The following PEG3 variants were observed in gnomAD, a reference collection of about 807,000 sequenced individuals.
The protein encoded by PEG3 is paternally-expressed gene 3 protein.
Under a neutral mutation model 35.5 loss-of-function variants are expected in PEG3, and 23 were observed. The observed-to-expected ratio is 0.65, with a 90% CI of 0.47 to 0.92. The LOEUF is 0.92. PEG3 is among the 40% of genes least tolerant of loss of function. PEG3 has a pLI of 0.00. For missense variants in PEG3, 1,960 were observed against 1,985.3 expected (o/e 0.99, Z 0.24); for synonymous variants, 707 against 697.0 (o/e 1.01, Z -0.23).
In PEG3 at chr19:56,820,791, C is replaced by T. The variant is rs182685667; in HGVS notation, c.669+860G>A. Among the ~76,000 whole-genome samples the T allele has an allele frequency of 2.3e-3, 355 of 152,372 alleles. 2 individuals carry two copies. The highest frequency in any genetic ancestry group is 7.5e-3 in the African/African-American group (313 of 41,594). On this transcript the variant is annotated intron_variant, in intron 7 of 9. Transcript: ENST00000326441. Reference sequence around the variant, plus strand: ...ATTTGTGCAACTGTCAAAAGCTTCTCAGGGCAGGGCCCCTCTCTGTGTTGC... The same window carrying T: ...ATTTGTGCAACTGTCAAAAGCTTCTTAGGGCAGGGCCCCTCTCTGTGTTGC...
chr19:56,815,038 A>C lies in PEG3; in HGVS notation c.3404T>G (p.Val1135Gly), dbSNP rs755834818. ...HQKVHSRKCLVDSREYTHSVI... is the reference protein window; with the variant it reads ...HQKVHSRKCLGDSREYTHSVI... ...AGAATGTGTGTACTCCCGACTGTCA[A>C]CCAGGCACTTCCTGCTGTGGACTTT... The change falls in exon 10 of 10, where the codon GTT becomes GGT. Residue 1135 changes from valine (V) to glycine (G), a missense_variant. Transcript: ENST00000326441. 6.2e-7 allele frequency: 1 copy of C among 1,614,188 alleles called. No individual in the cohort carries two copies.
In PEG3 at chr19:56,815,522, A is replaced by G. The variant is rs1460742215; in HGVS notation, c.2920T>C (p.Cys974Arg). ...GAGCTATGAGCAAAGCACTCCCCACACTCCTGACATTCATAGAGCATCCCT... is the reference window on the plus strand; with the variant it reads ...GAGCTATGAGCAAAGCACTCCCCACGCTCCTGACATTCATAGAGCATCCCT... Reference protein sequence around the residue: ...PRGMLYECQECGECFAHSSDL... With the variant: ...PRGMLYECQERGECFAHSSDL... The change falls in exon 10 of 10, where the codon TGT becomes CGT. Residue 974 changes from cysteine to arginine, a missense_variant. Transcript: ENST00000326441. 3.1e-6 allele frequency: 5 copies of G among 1,613,688 alleles called. No individual in the cohort carries two copies. Among genetic ancestry groups the G allele is most frequent in the Non-Finnish European group, 3.4e-6 (4 of 1,179,942 alleles).
intron 2 of PEG3, among the ~76,000 whole-genome samples, chr19:56,829,670 G>A (rs1430935916): frequency 1.3e-5 from 2 of 152,202 alleles, no homozygotes; most frequent in African/African-American, 4.8e-5. Context: ...CTTCCTGGCC[G>A]AGTGGCCCAA....
At position 56,821,525 on chromosome 19, in the gene PEG3, G is replaced by A. The variant is rs1002286660; in HGVS notation, c.669+126C>T. On this transcript the variant is annotated intron_variant, in intron 7 of 9. Transcript: ENST00000326441. ...AAGGGATGGGCCCGGGCTCCTCCTG[G>A]AGCGCTGGGACTCTCACCCCAGCTG... 5 of 1,159,592 alleles carry A rather than the reference G, an allele frequency of 4.3e-6. No homozygotes were observed. In the East Asian group the frequency reaches 1.2e-4, roughly 27 times the overall value. 71.8% of individuals were successfully genotyped at this position (1,159,592 alleles called of 1,614,324 possible). A position where few individuals can be genotyped will look rare whatever the true frequency, so the allele number is the denominator to read the frequency against.
intron 8 of PEG3, 81 bp downstream of exon 8, chr19:56,818,519 A>C: frequency 6.8e-7 from 1 of 1,468,720 alleles, no homozygotes; most frequent in Non-Finnish European, 9.5e-7. Flanking sequence ...TGTGGACTCT[A>C]ACATCCAGCT....
Position 56,811,879 on chromosome 19 carries a change from T to C in PEG3, c.*1796A>G. ...TGCCTCTGGTGTTTTCTTCTGTCTGTCTCCTCTCCCCTCCTAGATCTGGTG... is the reference window on the plus strand; with the variant it reads ...TGCCTCTGGTGTTTTCTTCTGTCTGCCTCCTCTCCCCTCCTAGATCTGGTG... On this transcript the variant is annotated 3_prime_UTR_variant, in exon 10 of 10. Coordinates refer to ENST00000326441, the MANE Select transcript of PEG3 (RefSeq NM_006210.3). 1.0e-6 allele frequency: 1 copy of C among 985,374 alleles called. No homozygotes were observed. Among genetic ancestry groups the C allele is most frequent in the African/African-American group, 1.7e-5 (1 of 57,330 alleles). 61.0% of individuals were successfully genotyped at this position (985,374 alleles called of 1,614,324 possible). A position where few individuals can be genotyped will look rare whatever the true frequency, so the allele number is the denominator to read the frequency against.
rs142165445 is a variant in PEG3, at chr19:56,814,485, T to C, written c.3957A>G (p.Ser1319=). ...YEYGSSYTHT[S]FLTEPLKGAI... is the part of the protein sequence containing the mutation. ...CTCCTTTGAGGGGCTCAGTAAGAAA[T>C]GAGGTGTGAGTATAGGAGGACCCGT... The change falls in exon 10 of 10, where the codon TCA becomes TCG. Residue 1319 remains serine, a synonymous_variant. Transcript: ENST00000326441. The surrounding 1 kb of genome is among the most constrained non-coding windows in gnomAD (Gnocchi z 5.8). 2.2e-5 allele frequency: 35 copies of C among 1,613,268 alleles called. No individual in the cohort carries two copies. In the African/African-American group the frequency reaches 4.4e-4, roughly 20 times the overall value.
intron 1 of PEG3, among the ~76,000 whole-genome samples, chr19:56,837,508 T>A (rs1040120490): frequency 6.6e-6 from 1 of 152,240 alleles, no homozygotes; most frequent in Non-Finnish European, 1.5e-5. Context: ...TCCACTTTTC[T>A]GCTCACTGAC....
At chr19:56,833,099 T>A (rs957784824) in intron 2 of PEG3, 1 of 503,530 alleles carries the variant, frequency 2.0e-6, no homozygotes, top group African/African-American at 1.9e-5. Context: ...AAAGAACACA[T>A]CATGCACTAG....
rs145176547 is a variant in PEG3, at chr19:56,818,747, G to A, written c.670-45C>T. The A allele has an allele frequency of 2.7e-4, 436 of 1,592,452 alleles. 2 individuals are homozygous for A. In the Middle Eastern group the frequency reaches 5.0e-3, roughly 18 times the overall value. ...CCTCTCAATGGAGTCTGTCCCCACC[G>A]ATGTTCAAAGACAGAATAATGTTGG... On this transcript the variant is annotated intron_variant, in intron 7 of 9. Transcript: ENST00000326441.
rs2059541801 is a variant in PEG3 at position 56,811,550 on chromosome 19, T to A, written c.*2125A>T. The A allele has an allele frequency of 1.0e-6, 1 of 985,198 alleles. No individual in the cohort carries two copies. The highest frequency in any genetic ancestry group is 6.2e-5 in the Admixed American group (1 of 16,256). The allele number at this position is 985,198 out of a possible 1,614,324, so 61.0% of individuals were successfully genotyped here. A position where few individuals can be genotyped will look rare whatever the true frequency, so the allele number is the denominator to read the frequency against. Reference sequence around the variant, plus strand: ...TACTACCTTTTCACTAGCTGAAGGTTGGAACGGACACCCTGACTTACAGCA... The same window carrying A: ...TACTACCTTTTCACTAGCTGAAGGTAGGAACGGACACCCTGACTTACAGCA... On this transcript the variant is annotated 3_prime_UTR_variant, in exon 10 of 10. Coordinates refer to ENST00000326441, the MANE Select transcript of PEG3 (RefSeq NM_006210.3).
rs780846721 is a variant in PEG3, at chr19:56,817,321, C to G, written c.1121G>C (p.Gly374Ala). 6.2e-7 allele frequency: 1 copy of G among 1,614,112 alleles called. No individual in the cohort carries two copies. Among genetic ancestry groups the G allele is most frequent in the Non-Finnish European group, 8.5e-7 (1 of 1,179,992 alleles). ...AACAAGGGTTGAATTAAACCTAAAG[C>G]CTCCCCTAAATGCATTCCCTTCATA... is the stretch of plus-strand genomic sequence containing the variant. ...RVYEGNAFRG[G>A]FRFNSTLVSR... The change falls in exon 10 of 10, where the codon GGC becomes GCC. Residue 374 changes from glycine (G) to alanine (A), a missense_variant. Around this residue, in one of 5 missense-constraint regions of PEG3, gnomAD observed 613 missense variants for 577.1 expected, o/e 1.06. Coordinates refer to ENST00000326441, the MANE Select transcript of PEG3 (RefSeq NM_006210.3).
intron 1 of PEG3, among the ~76,000 whole-genome samples, chr19:56,839,713 A>G (rs562228440): frequency 7.2e-5 from 11 of 152,142 alleles, no homozygotes; most frequent in Non-Finnish European, 1.5e-4. Flanking sequence ...ATTACATCCA[A>G]TGCAACCCAC....
Position 56,816,037 on chromosome 19 carries a change from A to G in PEG3, c.2405T>C (p.Met802Thr), listed in dbSNP as rs1208600581. Residue 802 changes from methionine (M) to threonine (T), a missense_variant, in exon 10 of 10, where the codon ATG becomes ACG. Met to Thr is a moderately conservative substitution (Grantham distance 81). Around this residue, in one of 5 missense-constraint regions of PEG3, gnomAD observed 798 missense variants for 782.4 expected, o/e 1.02. Transcript: ENST00000326441. Reference protein sequence around the residue: ...SVAGPSKPKVMAESTIQSFDA... With the variant: ...SVAGPSKPKVTAESTIQSFDA... ...GAAGCTCTGAATGGTAGACTCTGCC[A>G]TTACTTTTGGTTTACTGGGCCCTGC... 1.3e-6 allele frequency: 2 copies of G among 1,596,434 alleles called. No individual in the cohort carries two copies. The highest frequency in any genetic ancestry group is 1.7e-6 in the Non-Finnish European group (2 of 1,171,858).
rs140555816 is a variant in PEG3 at position 56,816,556 on chromosome 19, C to T, written c.1886G>A (p.Cys629Tyr). ...AAGGAAAGTCTCCCCACACACCTTA[C>T]ATTCGTACATTTTCTCTTTACCATA... is the stretch of plus-strand genomic sequence containing the variant. The part of the protein sequence containing the change: ...KMYGKEKMYE[C>Y]KVCGETFLHS... Residue 629 changes from cysteine (C) to tyrosine (Y), a missense_variant, in exon 10 of 10, where the codon TGT (cysteine) becomes TAT (tyrosine). Cys to Tyr is a radical substitution (Grantham distance 194). Transcript: ENST00000326441. 428 of 1,614,100 alleles carry T rather than the reference C, an allele frequency of 2.7e-4. No individual in the cohort carries two copies. Among genetic ancestry groups the T allele is most frequent in the Non-Finnish European group, 3.4e-4 (400 of 1,179,974 alleles).
In PEG3 at chr19:56,810,777, CAG is replaced by C. The variant is rs2048091207; in HGVS notation, c.*2896_*2897del. On this transcript the variant is annotated 3_prime_UTR_variant, in exon 10 of 10. Transcript: ENST00000326441. ...GTGCACTGAAACAAGATAGAGGAAA[CAG>C]ATCAAGATGTTAGCAGTAGTTGTTA... 1 of 979,944 alleles carries C rather than the reference CAG, an allele frequency of 1.0e-6. No homozygotes were observed. The highest frequency in any genetic ancestry group is 6.2e-5 in the Admixed American group (1 of 16,248). 60.7% of individuals were successfully genotyped at this position (979,944 alleles called of 1,614,324 possible).
At chr19:56,837,201 T>C (rs1298861551) in intron 1 of PEG3, among the ~76,000 whole-genome samples, 3 of 152,016 alleles carry the variant, frequency 2.0e-5, no homozygotes, top group African/African-American at 7.3e-5. Flanking sequence ...CTAGCGGCTC[T>C]GCTCATGAAC....
rs781298122 is a variant in PEG3, at chr19:56,814,061, G to A, written c.4381C>T (p.Pro1461Ser). The change falls in exon 10 of 10, where the codon CCA (proline) becomes TCA (serine). Residue 1461 changes from proline to serine, a missense_variant. By Grantham distance (74) the Pro-to-Ser change is moderately conservative. Around this residue, in one of 5 missense-constraint regions of PEG3, gnomAD observed 416 missense variants for 416.7 expected, o/e 1.00. Transcript: ENST00000326441. The surrounding 1 kb of genome is among the most constrained non-coding windows in gnomAD (Gnocchi z 5.8). Reference protein sequence around the residue: ...DEPDGAGIEDPEERAEEPEGK... With the variant: ...DEPDGAGIEDSEERAEEPEGK... ...TCTGGCTCTTCAGCTCTTTCTTCTGGGTCTTCAATACCTGCACCATCTGGC... is the reference window on the plus strand; with the variant it reads ...TCTGGCTCTTCAGCTCTTTCTTCTGAGTCTTCAATACCTGCACCATCTGGC... 3.7e-6 allele frequency: 6 copies of A among 1,614,050 alleles called. No individual in the cohort carries two copies. The South Asian group carries it at 5.5e-5, about 15-fold the overall frequency.
intron 2 of PEG3, among the ~76,000 whole-genome samples, chr19:56,830,947 AAAAAT>A (rs961842046): frequency 9.2e-5 from 14 of 151,972 alleles, no homozygotes; most frequent in South Asian, 2.1e-4. Flanking sequence ...AAAAACAATA[AAAAAT>A]AAAATAAAAT....
Sources: gnomAD v4.1 joint callset for allele counts (sites outside exome capture counted in the v4.1 genomes callset) on GRCh38, gnomAD v4.1.1 for gene constraint, gnomAD v4.1.1 regional missense constraint, Gnocchi (gnomAD v3.1) non-coding constraint, MANE v1.5 for transcripts, NCBI Gene and HGNC (gene_info 2026-07-23, HGNC 2026-07-21) for gene names.